The following NCAM1 variants were observed in gnomAD, a reference collection of about 807,000 sequenced individuals.
NCAM1 encodes the protein antigen recognized by monoclonal antibody 5.1H11.
A neutral mutation model predicts 109.8 loss-of-function variants in NCAM1; 14 were observed. The ratio of observed to expected loss-of-function variants is 0.13; its 90% confidence interval spans 0.08 to 0.20. NCAM1 has a LOEUF of 0.20. NCAM1 is among the 10% of genes least tolerant of loss of function. The probability of loss-of-function intolerance (pLI) is 1.00; values close to 1 mark genes in which losing one functional copy is unlikely to be tolerated. For synonymous variants in NCAM1, 418 were observed against 442.9 expected (o/e 0.94, Z 0.70); for missense variants, 774 against 1,109.9 (o/e 0.70, Z 4.30).
intron 1 of NCAM1, among the ~76,000 whole-genome samples, chr11:113,147,141 T>A (rs1942047811): frequency 6.6e-6 from 1 of 152,222 alleles, no homozygotes; most frequent in Admixed American, 6.5e-5. Flanking sequence ...AAAACTTGTA[T>A]AAAGGCCAGC....
At chr11:113,092,804 T>C (rs1939413265) in intron 1 of NCAM1, among the ~76,000 whole-genome samples, 1 of 152,122 alleles carries the variant, frequency 6.6e-6, no homozygotes, top group South Asian at 2.1e-4. Flanking sequence ...TTATATGGCA[T>C]CTCTTGTAAC....
At chr11:112,986,058 AC>A (rs1425730309) in intron 1 of NCAM1, among the ~76,000 whole-genome samples, 1 of 151,808 alleles carries the variant, frequency 6.6e-6, no homozygotes, top group Non-Finnish European at 1.5e-5. Flanking sequence ...AACATATATG[AC>A]CTTTATTATG....
intron 1 of NCAM1, among the ~76,000 whole-genome samples, chr11:112,973,766 G>A (rs781804655): frequency 1.3e-5 from 2 of 151,962 alleles, no homozygotes; most frequent in African/African-American, 2.4e-5. Context: ...TATACAATTC[G>A]CGTTGGATTT....
At chr11:113,083,294 T>G (rs1164328772) in intron 1 of NCAM1, among the ~76,000 whole-genome samples, 1 of 152,146 alleles carries the variant, frequency 6.6e-6, no homozygotes, top group Non-Finnish European at 1.5e-5. Context: ...TTTCAGAAAA[T>G]TTAATAACTG....
At chr11:113,227,393 A>C (rs1266116116) in intron 9 of NCAM1, among the ~76,000 whole-genome samples, 7 of 152,212 alleles carry the variant, frequency 4.6e-5, no homozygotes, top group Non-Finnish European at 8.8e-5. Context: ...AAGAAGTTGA[A>C]TCTCTGAATA....
chr11:113,049,914 G>C (rs949249013), intron 1 of NCAM1, among the ~76,000 whole-genome samples: 30 of 152,190 alleles, frequency 2.0e-4, no homozygotes, highest in African/African-American at 6.0e-4. Context: ...TTGTCTTAAA[G>C]GGACACAAGT....
intron 1 of NCAM1, among the ~76,000 whole-genome samples, chr11:113,098,907 G>C (rs1284577761): frequency 6.6e-6 from 1 of 152,118 alleles, no homozygotes; most frequent in African/African-American, 2.4e-5. Context: ...ACAGTCCTCA[G>C]GTTCCTGGAG....
chr11:113,085,239 A>G (rs1555088027), intron 1 of NCAM1, among the ~76,000 whole-genome samples: 2 of 152,238 alleles, frequency 1.3e-5, no homozygotes, highest in Non-Finnish European at 2.9e-5. Flanking sequence ...GGTGAAATCC[A>G]TGACAGTTCT....
intron 14 of NCAM1, among the ~76,000 whole-genome samples, chr11:113,238,334 G>A (rs1015009427): frequency 6.6e-6 from 1 of 152,284 alleles, no homozygotes; most frequent in East Asian, 1.9e-4. Context: ...AGTTGAGCAC[G>A]CCTTTTGCAA....
At chr11:113,059,363 C>T (rs1410994981) in intron 1 of NCAM1, among the ~76,000 whole-genome samples, 2 of 152,142 alleles carry the variant, frequency 1.3e-5, no homozygotes, top group African/African-American at 2.4e-5. Flanking sequence ...GCCTTCTTTT[C>T]CTCCTGTTGT....
At chr11:113,179,247 G>A (rs1031102441) in intron 1 of NCAM1, among the ~76,000 whole-genome samples, 1 of 152,170 alleles carries the variant, frequency 6.6e-6, no homozygotes, top group Non-Finnish European at 1.5e-5. Flanking sequence ...TTGAAGCCTA[G>A]CCTTGTTTTC....
At position 113,125,768 on chromosome 11, in the gene NCAM1, T is replaced by G. The variant is rs1435998976; in HGVS notation, c.53-76611T>G. Among the ~76,000 whole-genome samples, 6 of 152,220 alleles carry G rather than the reference T, an allele frequency of 3.9e-5. No individual in the cohort carries two copies. In the South Asian group the frequency reaches 6.2e-4, roughly 16 times the overall value. ...GATTAAGTTCATCATCTGTGGAATCTGTGCAGCTGGCTTTTGTCCCACATT... is the reference window on the plus strand; with the variant it reads ...GATTAAGTTCATCATCTGTGGAATCGGTGCAGCTGGCTTTTGTCCCACATT... On this transcript the variant is annotated intron_variant, in intron 1 of 19. Transcript: ENST00000316851.
rs1390072590 is a variant in NCAM1, at chr11:113,256,009, G to T, written c.1953+8G>T. 2 of 1,593,558 alleles carry T rather than the reference G, an allele frequency of 1.3e-6. No individual in the cohort carries two copies. Among genetic ancestry groups the T allele is most frequent in the Middle Eastern group, 1.7e-4 (1 of 6,038 alleles). The stretch of plus-strand genomic sequence containing the variant: ...CTGGTCAGGTACCGAGCGGTGAGTG[G>T]CCTCCTTCTCAGACTTCACCAGAAC... On this transcript the variant is annotated splice_region_variant and intron_variant, in intron 16 of 19. Coordinates refer to ENST00000316851, the MANE Select transcript of NCAM1 (RefSeq NM_181351.5).
chr11:113,273,937 C>G lies in NCAM1; in HGVS notation c.2457-1330C>G, dbSNP rs760791553. On this transcript the variant is annotated intron_variant, in intron 19 of 19. Coordinates refer to ENST00000316851, the MANE Select transcript of NCAM1 (RefSeq NM_181351.5). This position sits in a 1 kb window ranked among gnomAD's most constrained non-coding sequence, Gnocchi z 6.0. ...GCAGCTGGGCCCCAGGAGCAGCCGCCTGCTGGCTAATTAGGCCATGTTAAT... is the reference window on the plus strand; with the variant it reads ...GCAGCTGGGCCCCAGGAGCAGCCGCGTGCTGGCTAATTAGGCCATGTTAAT... The G allele has an allele frequency of 9.5e-5, 16 of 168,550 alleles. No homozygotes were observed. Among genetic ancestry groups the G allele is most frequent in the Non-Finnish European group, 2.0e-4 (15 of 76,882 alleles). 10.4% of individuals were successfully genotyped at this position (168,550 alleles called of 1,614,324 possible).
Position 113,214,388 on chromosome 11 carries a change from T to C in NCAM1, c.936T>C (p.Tyr312=), listed in dbSNP as rs1565504330. 1 of 1,613,984 alleles carries C rather than the reference T, an allele frequency of 6.2e-7. No individual in the cohort carries two copies. Among genetic ancestry groups the C allele is most frequent in the East Asian group, 2.2e-5 (1 of 44,882 alleles). ...LKVFAKPKIT[Y]VENQTAMELE... ...TTTCAGCAAAACCCAAAATCACATA[T>C]GTAGAGAACCAGACTGCCATGGAAT... is the stretch of plus-strand genomic sequence containing the variant. The change falls in exon 8 of 20, where the codon TAT becomes TAC. Residue 312 remains tyrosine, a synonymous_variant. Transcript: ENST00000316851.
chr11:113,049,187 T>C (rs1555081371), intron 1 of NCAM1, among the ~76,000 whole-genome samples: 1 of 152,104 alleles, frequency 6.6e-6, no homozygotes, highest in African/African-American at 2.4e-5. Flanking sequence ...TGGCACTGAA[T>C]GCACTAAATG....
At chr11:113,002,962 T>C (rs1309102454) in intron 1 of NCAM1, among the ~76,000 whole-genome samples, 1 of 152,260 alleles carries the variant, frequency 6.6e-6, no homozygotes, top group Non-Finnish European at 1.5e-5. Flanking sequence ...AGATGCTGTT[T>C]GATAGAATCT....
intron 1 of NCAM1, among the ~76,000 whole-genome samples, chr11:113,084,327 A>T (rs145803809): frequency 3.9e-5 from 6 of 152,312 alleles, no homozygotes; most frequent in African/African-American, 1.4e-4. Flanking sequence ...TCAAACTGGA[A>T]GTGATCTTAG....
chr11:113,208,489 A>T (rs1446727287), intron 7 of NCAM1, among the ~76,000 whole-genome samples: 1 of 151,898 alleles, frequency 6.6e-6, no homozygotes, highest in Non-Finnish European at 1.5e-5. Flanking sequence ...TCTCAGGATC[A>T]CTGCCCTAGG....
Sources: gnomAD v4.1 joint callset for allele counts (sites outside exome capture counted in the v4.1 genomes callset) on GRCh38, gnomAD v4.1.1 for gene constraint, Gnocchi (gnomAD v3.1) non-coding constraint, MANE v1.5 for transcripts, NCBI Gene and HGNC (gene_info 2026-07-23, HGNC 2026-07-21) for gene names.